The following PIP5K1C variants were observed in gnomAD, a reference collection of about 807,000 sequenced individuals.
PIP5K1C encodes the protein phosphatidylinositol-4-phosphate 5-kinase type 1 gamma.
PIP5K1C carries 45 observed loss-of-function variants against 80.1 expected under a neutral mutation model. The observed-to-expected ratio is 0.56, with a 90% confidence interval of 0.44 to 0.72. The LOEUF is 0.72. PIP5K1C is among the 30% of genes least tolerant of loss of function. PIP5K1C has a pLI of 0.00. For synonymous variants in PIP5K1C, 498 were observed against 420.1 expected (o/e 1.19, Z -2.27); for missense variants, 753 against 954.6 (o/e 0.79, Z 2.78).
At chr19:3,636,197 T>C (rs2033680923) in intron 16 of PIP5K1C, among the ~76,000 whole-genome samples, 2 of 152,058 alleles carry the variant, frequency 1.3e-5, no homozygotes, top group South Asian at 4.1e-4. Flanking sequence ...GGTGGCTTCC[T>C]TGTCCTGCAG....
chr19:3,655,140 C>T (rs1226466709), intron 6 of PIP5K1C, among the ~76,000 whole-genome samples: 2 of 141,300 alleles, frequency 1.4e-5, no homozygotes, highest in Admixed American at 1.5e-4. Context: ...ATGAAGAGGC[C>T]AGGCGCGGTG....
chr19:3,675,512 T>A (rs556512542), intron 1 of PIP5K1C, among the ~76,000 whole-genome samples: 33 of 152,240 alleles, frequency 2.2e-4, no homozygotes, highest in African/African-American at 7.5e-4. Context: ...GACCAAGGCT[T>A]TTGTGAAACG....
chr19:3,672,201 T>C (rs2035229299), intron 1 of PIP5K1C, among the ~76,000 whole-genome samples: 1 of 152,242 alleles, frequency 6.6e-6, no homozygotes, highest in East Asian at 1.9e-4. Context: ...TGAAGCCAGC[T>C]CGAGCCCTAG....
intron 10 of PIP5K1C, among the ~76,000 whole-genome samples, chr19:3,646,770 G>C (rs1568319936): frequency 6.6e-6 from 1 of 152,192 alleles, no homozygotes; most frequent in African/African-American, 2.4e-5. Flanking sequence ...GAAAAATGGG[G>C]GTGCCTGTTG....
At position 3,647,394 on chromosome 19, in the gene PIP5K1C, G is replaced by A; in HGVS notation, c.1212-8C>T. On this transcript the variant is annotated splice_polypyrimidine_tract_variant and splice_region_variant and intron_variant, in intron 9 of 17. Transcript: ENST00000335312. The stretch of plus-strand genomic sequence containing the variant: ...TCCAGTTTCTTGATGAACCTGTGGA[G>A]AGAGCACCCGGAGTGGCAGCTGACA... The A allele has an allele frequency of 1.3e-6, 2 of 1,579,184 alleles. No homozygotes were observed. The highest frequency in any genetic ancestry group is 8.6e-7 in the Non-Finnish European group (1 of 1,161,500).
In PIP5K1C at chr19:3,688,250, C is replaced by T. The variant is rs1044774364; in HGVS notation, c.94+12047G>A. 2.0e-5 allele frequency among the ~76,000 whole-genome samples: 3 copies of T among 152,310 alleles called. No individual in the cohort carries two copies. Among genetic ancestry groups the T allele is most frequent in the Non-Finnish European group, 2.9e-5 (2 of 68,014 alleles). On this transcript the variant is annotated intron_variant, in intron 1 of 17. Coordinates refer to ENST00000335312, the MANE Select transcript of PIP5K1C (RefSeq NM_012398.3). This position sits in a 1 kb window ranked among gnomAD's most constrained non-coding sequence, Gnocchi z 5.3. ...CCCCAGCGTCCCTGTCCTCCAGGGG[C>T]GCAGCGTCCCTCCGGGGAGTACAGT...
At chr19:3,657,903 C>T (rs889225024) in intron 5 of PIP5K1C, among the ~76,000 whole-genome samples, 11 of 152,286 alleles carry the variant, frequency 7.2e-5, no homozygotes, top group African/African-American at 2.6e-4. Flanking sequence ...CCACTGCCCT[C>T]CAACCTGGGC....
At chr19:3,638,123 A>G in intron 16 of PIP5K1C, 6 of 1,313,472 alleles carry the variant, frequency 4.6e-6, no homozygotes, top group Non-Finnish European at 6.1e-6. Context: ...GGTGAGAACA[A>G]ACCATCTGGG....
intron 1 of PIP5K1C, among the ~76,000 whole-genome samples, chr19:3,681,597 G>A (rs573191052): frequency 7.3e-4 from 111 of 152,148 alleles, no homozygotes; most frequent in African/African-American, 2.5e-3. Flanking sequence ...ATCCCCCCGC[G>A]GGCTGGTGCT....
intron 1 of PIP5K1C, among the ~76,000 whole-genome samples, chr19:3,668,912 A>T (rs868864017): frequency 3.9e-5 from 6 of 152,200 alleles, no homozygotes; most frequent in Non-Finnish European, 8.8e-5. Flanking sequence ...CGCTGCACGG[A>T]TAACAGCAGC....
At chr19:3,667,272 A>G in intron 2 of PIP5K1C, 50 bp downstream of exon 2, 1 of 1,533,984 alleles carries the variant, frequency 6.5e-7, no homozygotes, top group Non-Finnish European at 9.0e-7. Context: ...GTAGGGAGGC[A>G]GCAGGTCAGG....
intron 8 of PIP5K1C, among the ~76,000 whole-genome samples, chr19:3,650,711 G>C (rs1490302146): frequency 6.6e-6 from 1 of 152,212 alleles, no homozygotes; most frequent in African/African-American, 2.4e-5. Flanking sequence ...AGGCCACTGA[G>C]ATGTGGCCTC....
chr19:3,643,985 G>T, intron 12 of PIP5K1C, 102 bp downstream of exon 12: 1 of 1,370,720 alleles, frequency 7.3e-7, no homozygotes, highest in Non-Finnish European at 1.0e-6. Flanking sequence ...GGAGGGGGTG[G>T]CTGAGCGATG....
At chr19:3,679,664 A>G (rs2035526201) in intron 1 of PIP5K1C, among the ~76,000 whole-genome samples, 1 of 152,138 alleles carries the variant, frequency 6.6e-6, no homozygotes, top group Admixed American at 6.5e-5. Context: ...GAGGGGGAGC[A>G]CTGGAGAGGA....
intron 1 of PIP5K1C, among the ~76,000 whole-genome samples, chr19:3,668,001 A>T (rs888127734): frequency 2.6e-5 from 4 of 152,016 alleles, no homozygotes; most frequent in Non-Finnish European, 4.4e-5. Context: ...CTCCAGAGTG[A>T]GGTTTGTGGA....
chr19:3,694,673 C>T (rs1279901393), intron 1 of PIP5K1C, among the ~76,000 whole-genome samples: 1 of 152,274 alleles, frequency 6.6e-6, no homozygotes, highest in Non-Finnish European at 1.5e-5. Context: ...GTTGACTTCA[C>T]TTCTGCGGCT....
At chr19:3,693,959 TC>T (rs147204966) in intron 1 of PIP5K1C, among the ~76,000 whole-genome samples, 14,234 of 151,976 alleles carry the variant, frequency 0.094, 822 homozygotes, top group East Asian at 0.2. Context: ...ACACCTGTAA[TC>T]CCAGCACTTT....
chr19:3,678,180 A>AT, intron 1 of PIP5K1C, among the ~76,000 whole-genome samples: 1 of 107,006 alleles, frequency 9.3e-6, no homozygotes, highest in Non-Finnish European at 1.9e-5. Flanking sequence ...GGAGGGATGG[A>AT]GGATGGAGAA....
intron 1 of PIP5K1C, among the ~76,000 whole-genome samples, chr19:3,697,156 G>A (rs907623193): frequency 3.3e-5 from 5 of 151,332 alleles, no homozygotes; most frequent in Non-Finnish European, 5.9e-5. Flanking sequence ...AAGGAGAACC[G>A]AGCCGGACAG....
Sources: allele counts gnomAD v4.1 joint callset (sites outside exome capture counted in the v4.1 genomes callset), GRCh38; gene constraint gnomAD v4.1.1; non-coding constraint Gnocchi (gnomAD v3.1); transcripts MANE v1.5; gene names NCBI Gene and HGNC (gene_info 2026-07-23, HGNC 2026-07-21).